Variants in PCMT1 observed in about 807,000 individuals in gnomAD.
PCMT1 encodes the protein protein-L-isoaspartate (D-aspartate) O-methyltransferase, also known as protein-L-isoaspartate(D-aspartate) O-methyltransferase.
A neutral mutation model predicts 29.2 loss-of-function variants in PCMT1; 9 were observed. The observed-to-expected ratio is 0.31, with a 90% CI of 0.19 to 0.54. The LOEUF (loss-of-function observed/expected upper bound fraction) is 0.54. Ranked by LOEUF, PCMT1 falls within the 20% of genes least tolerant of loss-of-function variation. The probability of loss-of-function intolerance (pLI) is 0.95; values close to 1 mark genes in which losing one functional copy is unlikely to be tolerated. For synonymous variants in PCMT1, 98 were observed against 97.5 expected (o/e 1.00, Z -0.03); for missense variants, 184 against 282.2 (o/e 0.65, Z 2.49).
Position 149,763,684 on chromosome 6 carries a change from T to G in PCMT1, c.56-7478T>G, listed in dbSNP as rs1451956549. Among the ~76,000 whole-genome samples the G allele has an allele frequency of 2.0e-5, 3 of 152,172 alleles. 1 individual carries two copies. In the East Asian group the frequency reaches 5.8e-4, roughly 29 times the overall value. On this transcript the variant is annotated intron_variant, in intron 1 of 7. Coordinates refer to ENST00000464889, the MANE Select transcript of PCMT1 (RefSeq NM_001360452.2). Reference sequence around the variant, plus strand: ...TAGAATGTGCCTCAAGTAAAATCTTTAAGATGTCACACTTTAAGTATCCAT... The same window carrying G: ...TAGAATGTGCCTCAAGTAAAATCTTGAAGATGTCACACTTTAAGTATCCAT...
In PCMT1 at chr6:149,763,279, T is replaced by G. The variant is rs1197479351; in HGVS notation, c.56-7883T>G. ...CTATGATATCTATGATATAAATATC[T>G]ATGATATCTATGATATATATATCTA... On this transcript the variant is annotated intron_variant, in intron 1 of 7. Coordinates refer to ENST00000464889, the MANE Select transcript of PCMT1 (RefSeq NM_001360452.2). Among the ~76,000 whole-genome samples the G allele has an allele frequency of 2.8e-5, 2 of 71,544 alleles. 1 individual carries two copies. The highest frequency in any genetic ancestry group is 4.4e-5 in the Non-Finnish European group (2 of 45,626). 46.9% of individuals were successfully genotyped at this position (71,544 alleles called of 152,430 possible).
chr6:149,779,964 GT>G (rs1323278296), intron 3 of PCMT1, among the ~76,000 whole-genome samples: 3 of 152,154 alleles, frequency 2.0e-5, no homozygotes, highest in African/African-American at 7.2e-5. Context: ...TGGGTGTCCA[GT>G]TCATTGCTGA....
intron 1 of PCMT1, among the ~76,000 whole-genome samples, chr6:149,768,081 A>C (rs1195917687): frequency 6.6e-6 from 1 of 151,692 alleles, no homozygotes; most frequent in Non-Finnish European, 1.5e-5. Flanking sequence ...GGCATGAGCC[A>C]CCATGCCCGA....
intron 5 of PCMT1, chr6:149,794,796 C>T: frequency 2.1e-6 from 1 of 482,460 alleles, no homozygotes. Flanking sequence ...TCTCATGTTG[C>T]CAGTGAGGGA....
At chr6:149,773,069 A>G in intron 2 of PCMT1, 69 bp from the exon 3 acceptor site, 1 of 1,224,518 alleles carries the variant, frequency 8.2e-7, no homozygotes, top group South Asian at 1.3e-5. Flanking sequence ...TGGATGGTAG[A>G]AAAGAAATTA....
At chr6:149,795,492 C>A in intron 5 of PCMT1, 1 of 407,720 alleles carries the variant, frequency 2.5e-6, no homozygotes, top group Non-Finnish European at 4.7e-6. Flanking sequence ...GTTGTAGACC[C>A]ATCCGTTTCT....
At position 149,762,805 on chromosome 6, in the gene PCMT1, ATATC is replaced by A. The variant is rs1294077900; in HGVS notation, c.56-8353_56-8350del. On this transcript the variant is annotated intron_variant, in intron 1 of 7. Coordinates refer to ENST00000464889, the MANE Select transcript of PCMT1 (RefSeq NM_001360452.2). The stretch of plus-strand genomic sequence containing the variant: ...TATGATATATATACCTATGATATAT[ATATC>A]TATGATAATCTATGATATATATGAT... 3.7e-5 allele frequency among the ~76,000 whole-genome samples: 2 copies of A among 54,336 alleles called. 1 individual carries two copies. Among genetic ancestry groups the A allele is most frequent in the East Asian group, 2.9e-3 (2 of 696 alleles). 35.6% of individuals were successfully genotyped at this position (54,336 alleles called of 152,430 possible). A position where few individuals can be genotyped will look rare whatever the true frequency, so the allele number is the denominator to read the frequency against.
At chr6:149,781,832 T>A (rs1266767594) in intron 3 of PCMT1, among the ~76,000 whole-genome samples, 1 of 152,218 alleles carries the variant, frequency 6.6e-6, no homozygotes, top group Non-Finnish European at 1.5e-5. Flanking sequence ...ATGCAATCAG[T>A]CTTCAGAACA....
intron 4 of PCMT1, 32 bp downstream of exon 4, chr6:149,790,090 C>A (rs758564396): frequency 2.4e-6 from 3 of 1,251,620 alleles, no homozygotes; most frequent in East Asian, 4.7e-5. Context: ...CTGGCCCCAA[C>A]AGAAGAATAT....
chr6:149,777,714 T>C (rs1025755724), intron 3 of PCMT1, among the ~76,000 whole-genome samples: 1 of 152,176 alleles, frequency 6.6e-6, no homozygotes, highest in Non-Finnish European at 1.5e-5. Context: ...TTAGGATATA[T>C]GGGTGGAATT....
intron 5 of PCMT1, chr6:149,795,425 G>A: frequency 7.4e-6 from 3 of 404,102 alleles, no homozygotes; most frequent in South Asian, 4.5e-5. Flanking sequence ...AAAAGAAGGA[G>A]CTCTGAATAT....
In PCMT1 at chr6:149,749,775, C is replaced by A; in HGVS notation, c.-127C>A. On this transcript the variant is annotated 5_prime_UTR_variant, in exon 1 of 8. Transcript: ENST00000464889. The stretch of plus-strand genomic sequence containing the variant: ...GCAGCGGCGGCGACGGCAGTAACAG[C>A]GGCAGCTACAGCGGGGACGCGAGCG... The A allele has an allele frequency of 1.9e-6, 3 of 1,549,216 alleles. No individual in the cohort carries two copies. The highest frequency in any genetic ancestry group is 1.7e-6 in the Non-Finnish European group (2 of 1,145,838).
intron 3 of PCMT1, among the ~76,000 whole-genome samples, chr6:149,776,521 C>A (rs1787574482): frequency 6.6e-6 from 1 of 152,090 alleles, no homozygotes; most frequent in Non-Finnish European, 1.5e-5. Context: ...AAGTGATCCA[C>A]CCGCCTTGGC....
At chr6:149,764,207 A>G (rs1256188786) in intron 1 of PCMT1, among the ~76,000 whole-genome samples, 1 of 152,212 alleles carries the variant, frequency 6.6e-6, no homozygotes, top group Non-Finnish European at 1.5e-5. Flanking sequence ...AGTATAGTGA[A>G]GTGATCATAG....
At chr6:149,753,046 CTT>C (rs1292149461) in intron 1 of PCMT1, among the ~76,000 whole-genome samples, 3 of 152,088 alleles carry the variant, frequency 2.0e-5, no homozygotes, top group African/African-American at 7.2e-5. Flanking sequence ...TGTTTAGCCT[CTT>C]TTGTAACACT....
chr6:149,766,171 A>G (rs1787076090), intron 1 of PCMT1, among the ~76,000 whole-genome samples: 1 of 151,914 alleles, frequency 6.6e-6, no homozygotes, highest in Admixed American at 6.6e-5. Context: ...CCATGTTCCT[A>G]TCCTTATTTC....
intron 1 of PCMT1, among the ~76,000 whole-genome samples, chr6:149,750,593 G>T (rs542220799): frequency 5.9e-5 from 9 of 152,304 alleles, no homozygotes; most frequent in African/African-American, 1.9e-4. Context: ...AAGAACAGGG[G>T]ATGCTGTTCC....
rs569138991 is a variant in PCMT1, at chr6:149,807,915, C to T, written c.*38-2701C>T. Among the ~76,000 whole-genome samples, 4 of 152,294 alleles carry T rather than the reference C, an allele frequency of 2.6e-5. No homozygotes were observed. The East Asian group carries it at 7.7e-4, about 29-fold the overall frequency. ...ATATTGTTCCTTTTTAATCTCTTTA[C>T]ATATGTTCCAGTATTGTGACATACA... On this transcript the variant is annotated intron_variant, in intron 7 of 7. Transcript: ENST00000464889.
intron 3 of PCMT1, among the ~76,000 whole-genome samples, chr6:149,789,414 T>C (rs1249576815): frequency 2.6e-5 from 4 of 151,902 alleles, no homozygotes; most frequent in Non-Finnish European, 5.9e-5. Flanking sequence ...ACTGGCTGGG[T>C]GTGGTGGCTT....
Sources: allele counts gnomAD v4.1 joint callset (sites outside exome capture counted in the v4.1 genomes callset), GRCh38; gene constraint gnomAD v4.1.1; transcripts MANE v1.5; gene names NCBI Gene and HGNC (gene_info 2026-07-23, HGNC 2026-07-21).